The following CELF4 variants were observed in gnomAD, a reference collection of about 807,000 sequenced individuals.
The protein encoded by CELF4 is CUGBP Elav-like family member 4, also known as CUG-BP- and ETR-3-like factor 4.
CELF4 carries 18 observed loss-of-function variants against 59.9 expected under a neutral mutation model. That is an observed-to-expected ratio of 0.30 (90% CI 0.21 to 0.45). The LOEUF (loss-of-function observed/expected upper bound fraction) is 0.45. CELF4 is among the 20% of genes least tolerant of loss of function. The probability of loss-of-function intolerance (pLI) is 1.00; values close to 1 mark genes in which losing one functional copy is unlikely to be tolerated. For synonymous variants in CELF4, 261 were observed against 267.1 expected, an observed-to-expected ratio of 0.98 and a Z score of 0.22; for missense variants, 456 against 689.0, an observed-to-expected ratio of 0.66 and a Z score of 3.79.
In CELF4 at chr18:37,410,214, C is replaced by T. The variant is rs1821357621; in HGVS notation, c.369+75311G>A. Among the ~76,000 whole-genome samples the T allele has an allele frequency of 2.0e-5, 3 of 152,238 alleles. No homozygotes were observed. The South Asian group carries it at 6.2e-4, about 31-fold the overall frequency. On this transcript the variant is annotated intron_variant, in intron 2 of 12. Transcript: ENST00000420428. Reference sequence around the variant, plus strand: ...CCCTGGCAGCCTAGGCTTACACAATCCCTGGCTCCTGTTCCAGGCCCAATT... The same window carrying T: ...CCCTGGCAGCCTAGGCTTACACAATTCCTGGCTCCTGTTCCAGGCCCAATT...
chr18:37,470,425 G>T (rs2099818174), intron 2 of CELF4, among the ~76,000 whole-genome samples: 1 of 152,198 alleles, frequency 6.6e-6, no homozygotes, highest in African/African-American at 2.4e-5. Flanking sequence ...CCATAATATG[G>T]ATGCTAATGG....
intron 1 of CELF4, among the ~76,000 whole-genome samples, chr18:37,542,573 T>C (rs777176528): frequency 5.9e-5 from 9 of 152,252 alleles, no homozygotes; most frequent in Middle Eastern, 3.2e-3. Flanking sequence ...TCTGTGCCTC[T>C]GTTTCTTTGT....
At chr18:37,341,332 C>G (rs908498487) in intron 2 of CELF4, among the ~76,000 whole-genome samples, 1 of 152,164 alleles carries the variant, frequency 6.6e-6, no homozygotes, top group Non-Finnish European at 1.5e-5. Flanking sequence ...GCTCAGCATG[C>G]GATGTGCTGC....
intron 1 of CELF4, among the ~76,000 whole-genome samples, chr18:37,542,103 G>A (rs1219840958): frequency 6.6e-6 from 1 of 152,088 alleles, no homozygotes; most frequent in East Asian, 1.9e-4. Flanking sequence ...GTGGGAGAAG[G>A]CCTTCTGCCT....
At chr18:37,513,946 G>A (rs2099947568) in intron 1 of CELF4, among the ~76,000 whole-genome samples, 1 of 15,096 alleles carries the variant, frequency 6.6e-5, no homozygotes, top group Non-Finnish European at 2.5e-4. Flanking sequence ...GGTGCCGTGT[G>A]TGTGTGTGTG....
intron 3 of CELF4, among the ~76,000 whole-genome samples, chr18:37,316,702 T>C (rs2096879993): frequency 6.6e-6 from 1 of 152,020 alleles, no homozygotes; most frequent in South Asian, 2.1e-4. Flanking sequence ...CAGGCCACAG[T>C]GAATTCTCTC....
At chr18:37,488,265 C>G (rs1693739112) in intron 1 of CELF4, among the ~76,000 whole-genome samples, 1 of 152,178 alleles carries the variant, frequency 6.6e-6, no homozygotes, top group Admixed American at 6.5e-5. Flanking sequence ...CTGTTTGGCA[C>G]CCATCACTCC....
rs1427238749 is a variant in CELF4 at position 37,565,399 on chromosome 18, G to A, written c.243C>T (p.Tyr81=). The A allele has an allele frequency of 1.2e-6, 2 of 1,609,094 alleles. No individual in the cohort carries two copies. Among genetic ancestry groups the A allele is most frequent in the East Asian group, 2.2e-5 (1 of 44,780 alleles). ...KPLFEEFGKI[Y]ELTVLKDRFT... ...ACCTGTCCTTCAGAACCGTAAGCTC[G>A]TAGATTTTGCCAAACTCCTCGAAGA... Residue 81 remains tyrosine, a synonymous_variant, in exon 1 of 13, where the codon TAC becomes TAT. Coordinates refer to ENST00000420428, the MANE Select transcript of CELF4 (RefSeq NM_020180.4).
chr18:37,410,948 C>T (rs1021473556), intron 2 of CELF4, among the ~76,000 whole-genome samples: 2 of 152,136 alleles, frequency 1.3e-5, no homozygotes, highest in African/African-American at 2.4e-5. Flanking sequence ...GCACTACTTC[C>T]CAAAGGCAGA....
intron 2 of CELF4, among the ~76,000 whole-genome samples, chr18:37,370,166 C>T (rs1441503767): frequency 6.6e-6 from 1 of 152,206 alleles, no homozygotes; most frequent in Non-Finnish European, 1.5e-5. Context: ...CCAATAGGTC[C>T]TATCCCAGAA....
chr18:37,525,879 C>T (rs1297674893), intron 1 of CELF4, among the ~76,000 whole-genome samples: 1 of 152,034 alleles, frequency 6.6e-6, no homozygotes, highest in Non-Finnish European at 1.5e-5. Context: ...AAAGTGTGGC[C>T]GCGACCTGTA....
At chr18:37,416,085 C>A (rs1286307785) in intron 2 of CELF4, among the ~76,000 whole-genome samples, 3 of 151,972 alleles carry the variant, frequency 2.0e-5, no homozygotes, top group Non-Finnish European at 4.4e-5. Context: ...GTTTGGGGAG[C>A]ATCTCGTGCC....
intron 2 of CELF4, among the ~76,000 whole-genome samples, chr18:37,405,220 GGCAGTGTTGTCCACA>G (rs1473235012): frequency 3.3e-5 from 5 of 152,204 alleles, no homozygotes; most frequent in Admixed American, 2.6e-4. Flanking sequence ...CTAGTCATTT[GGCAGTGTTGTCCACA>G]GGTCCCATGG....
chr18:37,270,271 T>C (rs1010353666), intron 8 of CELF4, among the ~76,000 whole-genome samples: 4 of 152,240 alleles, frequency 2.6e-5, no homozygotes, highest in East Asian at 3.8e-4. Context: ...ACGCTTTGCG[T>C]GCACCATGAT....
intron 2 of CELF4, among the ~76,000 whole-genome samples, chr18:37,430,238 C>T (rs1285304814): frequency 2.0e-5 from 3 of 152,214 alleles, no homozygotes; most frequent in Non-Finnish European, 4.4e-5. Flanking sequence ...ACTGGGGACC[C>T]CATCCACTCA....
chr18:37,424,950 G>A (rs1282460267), intron 2 of CELF4, among the ~76,000 whole-genome samples: 1 of 152,122 alleles, frequency 6.6e-6, no homozygotes, highest in Non-Finnish European at 1.5e-5. Flanking sequence ...CCCTCAACCT[G>A]CACCTGTTCC....
At chr18:37,260,020 C>T (rs566638495) in intron 10 of CELF4, among the ~76,000 whole-genome samples, 3 of 152,330 alleles carry the variant, frequency 2.0e-5, no homozygotes, top group Admixed American at 2.0e-4. Flanking sequence ...CTGTTCTGAG[C>T]ACTTTACATG....
chr18:37,498,077 C>A (rs1487193949), intron 1 of CELF4, among the ~76,000 whole-genome samples: 1 of 152,104 alleles, frequency 6.6e-6, no homozygotes, highest in African/African-American at 2.4e-5. Flanking sequence ...TGCAGGGACA[C>A]CTGAGTGAAT....
intron 2 of CELF4, among the ~76,000 whole-genome samples, chr18:37,357,764 A>G (rs1046005132): frequency 6.6e-6 from 1 of 152,154 alleles, no homozygotes; most frequent in Non-Finnish European, 1.5e-5. Context: ...ATGGAAACCT[A>G]CCTCTTGCAT....
Sources: allele counts gnomAD v4.1 joint callset (sites outside exome capture counted in the v4.1 genomes callset), GRCh38; gene constraint gnomAD v4.1.1; transcripts MANE v1.5; gene names NCBI Gene and HGNC (gene_info 2026-07-23, HGNC 2026-07-21).